VEPH1: variants seen among roughly 807,000 people sequenced by gnomAD.
VEPH1 encodes the protein ventricular zone-expressed PH domain-containing protein homolog 1.
In VEPH1, 80 loss-of-function variants were observed where a neutral mutation model predicts 85.2. That is an observed-to-expected ratio of 0.94 (90% CI 0.78 to 1.13). The LOEUF is 1.13. Among genes scored for constraint, VEPH1 ranks in the 50% most tolerant of loss-of-function variants. VEPH1 has a pLI of 0.00. For synonymous variants in VEPH1, 297 were observed against 348.0 expected (o/e 0.85, Z 1.63); for missense variants, 955 against 980.5 (o/e 0.97, Z 0.35).
At chr3:157,416,868 AAGAC>A (rs59762343) in intron 5 of VEPH1, among the ~76,000 whole-genome samples, 19,700 of 151,550 alleles carry the variant, frequency 0.13, 1,542 homozygotes, top group South Asian at 0.28. Flanking sequence ...AAGAGAAAGA[AAGAC>A]AGACAGACAG....
chr3:157,364,094 G>C (rs1726358310), intron 8 of VEPH1, among the ~76,000 whole-genome samples: 1 of 152,158 alleles, frequency 6.6e-6, no homozygotes, highest in South Asian at 2.1e-4. Context: ...ATAAGCAATA[G>C]ATTTGTTTTC....
At chr3:157,319,266 T>G (rs1721118464) in intron 9 of VEPH1, among the ~76,000 whole-genome samples, 2 of 152,208 alleles carry the variant, frequency 1.3e-5, no homozygotes, top group Non-Finnish European at 2.9e-5. Context: ...TACAGTGTTC[T>G]TGTATAAAAT....
At chr3:157,265,265 A>G (rs1713471309) in intron 13 of VEPH1, among the ~76,000 whole-genome samples, 1 of 152,226 alleles carries the variant, frequency 6.6e-6, no homozygotes, top group South Asian at 2.1e-4. Flanking sequence ...ACGGTGTCTG[A>G]GTCAAGACTT....
At chr3:157,307,745 C>T (rs1215488789) in intron 11 of VEPH1, among the ~76,000 whole-genome samples, 1 of 151,738 alleles carries the variant, frequency 6.6e-6, no homozygotes, top group Non-Finnish European at 1.5e-5. Flanking sequence ...AGTCTGTTGT[C>T]ATTAGGATTG....
At chr3:157,442,803 G>C (rs1400107904) in intron 4 of VEPH1, 1 of 1,614,208 alleles carries the variant, frequency 6.2e-7, no homozygotes, top group Non-Finnish European at 8.5e-7. Flanking sequence ...TGGTGGCTTT[G>C]ATGAAACATT....
At chr3:157,501,647 G>A (rs1295865473) in intron 1 of VEPH1, among the ~76,000 whole-genome samples, 1 of 152,044 alleles carries the variant, frequency 6.6e-6, no homozygotes, top group Non-Finnish European at 1.5e-5. Context: ...CACACTATTG[G>A]GATACTGCCT....
intron 1 of VEPH1, among the ~76,000 whole-genome samples, chr3:157,496,056 C>T (rs1013984274): frequency 1.4e-4 from 21 of 152,192 alleles, no homozygotes; most frequent in African/African-American, 4.8e-4. Flanking sequence ...CCTACTCCTA[C>T]GTACTCTATA....
intron 2 of VEPH1, among the ~76,000 whole-genome samples, chr3:157,488,459 C>T (rs915382753): frequency 2.6e-5 from 4 of 151,730 alleles, no homozygotes; most frequent in Non-Finnish European, 5.9e-5. Flanking sequence ...ACAGCTTATT[C>T]ACCTGGCATT....
intron 4 of VEPH1, among the ~76,000 whole-genome samples, chr3:157,439,433 C>G (rs755366530): frequency 6.6e-6 from 1 of 152,208 alleles, no homozygotes; most frequent in Non-Finnish European, 1.5e-5. Flanking sequence ...TCCTAAGAAC[C>G]TGGTTTTAAT....
intron 11 of VEPH1, among the ~76,000 whole-genome samples, chr3:157,309,288 A>G (rs746269992): frequency 2.0e-5 from 3 of 152,200 alleles, no homozygotes; most frequent in Non-Finnish European, 2.9e-5. Flanking sequence ...TTAATAAAAA[A>G]TCTTCAGTTG....
intron 4 of VEPH1, among the ~76,000 whole-genome samples, chr3:157,453,888 T>C (rs1419447817): frequency 6.6e-6 from 1 of 152,220 alleles, no homozygotes; most frequent in Non-Finnish European, 1.5e-5. Context: ...CCATTCATTT[T>C]ATGATAATTT....
At chr3:157,499,456 G>C (rs1366486496) in intron 1 of VEPH1, 1 of 152,160 alleles carries the variant, frequency 6.6e-6, no homozygotes, top group African/African-American at 2.4e-5. Flanking sequence ...GAGACTGGGC[G>C]GGAGATTCAG....
intron 4 of VEPH1, chr3:157,437,857 A>T: frequency 6.7e-7 from 1 of 1,498,842 alleles, no homozygotes; most frequent in South Asian, 1.2e-5. Flanking sequence ...GCTGCGGCAG[A>T]CGCGAGCCGA....
intron 13 of VEPH1, 112 bp downstream of exon 13, chr3:157,265,414 T>A: frequency 8.2e-7 from 1 of 1,214,828 alleles, no homozygotes; most frequent in Non-Finnish European, 1.1e-6. Flanking sequence ...TGTAAGATGG[T>A]GAAATGGAGA....
chr3:157,446,772 T>C (rs915561892), intron 4 of VEPH1, among the ~76,000 whole-genome samples: 1 of 152,190 alleles, frequency 6.6e-6, no homozygotes, highest in Admixed American at 6.5e-5. Context: ...AACACTCCTA[T>C]CGTTGATCCT....
At chr3:157,321,918 T>C (rs1295961048) in intron 9 of VEPH1, among the ~76,000 whole-genome samples, 2 of 152,176 alleles carry the variant, frequency 1.3e-5, no homozygotes, top group East Asian at 3.9e-4. Context: ...ATAAAACATA[T>C]AATTTATGTT....
intron 2 of VEPH1, chr3:157,488,995 C>T (rs555315348): frequency 1.9e-5 from 6 of 316,482 alleles, no homozygotes; most frequent in South Asian, 1.3e-4. Context: ...CATGCACATA[C>T]TTCAGCAAAT....
intron 3 of VEPH1, among the ~76,000 whole-genome samples, chr3:157,467,337 C>T (rs1269273600): frequency 6.6e-6 from 1 of 151,960 alleles, no homozygotes; most frequent in African/African-American, 2.4e-5. Flanking sequence ...TGTTTTCCTT[C>T]CATTTTGTGT....
intron 2 of VEPH1, 91 bp from the exon 3 acceptor site, chr3:157,470,620 G>C: frequency 7.8e-7 from 1 of 1,279,700 alleles, no homozygotes; most frequent in South Asian, 1.3e-5. Flanking sequence ...TAGAAAATGG[G>C]TGCACCAGGC....
Sources: gnomAD v4.1 joint callset for allele counts (sites outside exome capture counted in the v4.1 genomes callset) on GRCh38, gnomAD v4.1.1 for gene constraint, MANE v1.5 for transcripts, NCBI Gene and HGNC (gene_info 2026-07-23, HGNC 2026-07-21) for gene names.